Variants in CCSER1 observed in about 807,000 individuals in gnomAD.
CCSER1 encodes the protein coiled-coil serine rich protein 1, also known as serine-rich coiled-coil domain-containing protein 1.
A neutral mutation model predicts 82.0 loss-of-function variants in CCSER1; 41 were observed. The observed-to-expected ratio is 0.50, with a 90% CI of 0.39 to 0.65. CCSER1 has a LOEUF of 0.65. Among genes scored for constraint, CCSER1 ranks in the 30% least tolerant of loss-of-function variants. The pLI, the probability that CCSER1 is intolerant of heterozygous loss-of-function variation, is 0.00. For synonymous variants in CCSER1, 414 were observed against 383.9 expected (o/e 1.08, Z -0.92); for missense variants, 1,119 against 1,064.2 (o/e 1.05, Z -0.72).
chr4:91,543,490 TGG>T (rs1409104045), intron 10 of CCSER1, among the ~76,000 whole-genome samples: 2 of 152,102 alleles, frequency 1.3e-5, no homozygotes, highest in African/African-American at 2.4e-5. Context: ...CTTGTAAGGC[TGG>T]CCTGGTGGTG....
intron 10 of CCSER1, among the ~76,000 whole-genome samples, chr4:91,342,781 T>C (rs530095499): frequency 1.3e-5 from 2 of 152,244 alleles, no homozygotes; most frequent in Admixed American, 6.5e-5. Flanking sequence ...TTGTCAGGCA[T>C]AGGAATGTAT....
At chr4:90,797,668 G>A (rs549092985) in intron 7 of CCSER1, among the ~76,000 whole-genome samples, 25 of 152,260 alleles carry the variant, frequency 1.6e-4, no homozygotes, top group Non-Finnish European at 3.1e-4. Flanking sequence ...GGCAAGTCTG[G>A]TGGTAACAAA....
At chr4:90,169,894 C>T (rs564238402) in intron 1 of CCSER1, among the ~76,000 whole-genome samples, 1 of 151,980 alleles carries the variant, frequency 6.6e-6, no homozygotes, top group East Asian at 1.9e-4. Flanking sequence ...ATGCCATTTT[C>T]CAGGCTTAGG....
chr4:90,319,467 C>T (rs892493862), intron 3 of CCSER1, among the ~76,000 whole-genome samples: 14 of 152,036 alleles, frequency 9.2e-5, no homozygotes, highest in Non-Finnish European at 1.9e-4. Context: ...CTGGCTAACA[C>T]GGTGAAACCC....
intron 5 of CCSER1, among the ~76,000 whole-genome samples, chr4:90,555,019 A>G (rs1777945943): frequency 1.3e-5 from 2 of 152,142 alleles, no homozygotes; most frequent in African/African-American, 4.8e-5. Flanking sequence ...TTATTATGCC[A>G]GATGTGAGCT....
At chr4:91,377,336 C>A (rs1218782982) in intron 10 of CCSER1, among the ~76,000 whole-genome samples, 1 of 152,168 alleles carries the variant, frequency 6.6e-6, no homozygotes, top group Non-Finnish European at 1.5e-5. Flanking sequence ...CTGTCTTCCA[C>A]AATGGTTGAA....
chr4:90,466,361 T>C (rs754458438), intron 4 of CCSER1, among the ~76,000 whole-genome samples: 3 of 152,198 alleles, frequency 2.0e-5, no homozygotes, highest in Non-Finnish European at 2.9e-5. Flanking sequence ...AACCTGTGAG[T>C]AGCCCTAGAA....
chr4:91,354,341 G>A (rs1318792587), intron 10 of CCSER1, among the ~76,000 whole-genome samples: 1 of 152,230 alleles, frequency 6.6e-6, no homozygotes, highest in Admixed American at 6.5e-5. Context: ...TTTATCGGCA[G>A]TAAGAAGAAA....
chr4:90,384,581 G>A (rs898322751), intron 3 of CCSER1, among the ~76,000 whole-genome samples: 3 of 151,898 alleles, frequency 2.0e-5, no homozygotes, highest in African/African-American at 7.3e-5. Context: ...CTTACATTCT[G>A]GTGATTTCTA....
intron 10 of CCSER1, among the ~76,000 whole-genome samples, chr4:91,364,258 T>G (rs906392904): frequency 6.6e-6 from 1 of 152,046 alleles, no homozygotes; most frequent in Non-Finnish European, 1.5e-5. Context: ...TTACTCTAAT[T>G]TTTTTGAGGT....
At chr4:90,647,864 T>C (rs951975352) in intron 6 of CCSER1, among the ~76,000 whole-genome samples, 4 of 152,072 alleles carry the variant, frequency 2.6e-5, no homozygotes, top group Non-Finnish European at 5.9e-5. Flanking sequence ...AATCAATCCA[T>C]AAGTAATAAC....
At chr4:90,621,837 G>A (rs756814209) in intron 5 of CCSER1, among the ~76,000 whole-genome samples, 8 of 152,164 alleles carry the variant, frequency 5.3e-5, no homozygotes, top group East Asian at 1.9e-4. Context: ...TCAGCACTAC[G>A]AGTCTCCTTT....
chr4:90,439,820 A>C (rs1039335139), intron 4 of CCSER1, among the ~76,000 whole-genome samples: 1 of 152,168 alleles, frequency 6.6e-6, no homozygotes, highest in East Asian at 1.9e-4. Context: ...ATCTTCTTTC[A>C]GAGTCCAGAT....
intron 6 of CCSER1, among the ~76,000 whole-genome samples, chr4:90,690,845 A>G (rs568783277): frequency 6.6e-6 from 1 of 152,250 alleles, no homozygotes; most frequent in South Asian, 2.1e-4. Context: ...CACATAGACC[A>G]TGAACCCAGA....
intron 10 of CCSER1, among the ~76,000 whole-genome samples, chr4:91,104,969 G>A (rs7694161): frequency 0.21 from 32,080 of 152,108 alleles, 3,902 homozygotes; most frequent in African/African-American, 0.32. Flanking sequence ...GTGTGGTGGT[G>A]AAGTCAGGGC....
At chr4:90,159,564 G>A (rs1394278353) in intron 1 of CCSER1, among the ~76,000 whole-genome samples, 2 of 152,100 alleles carry the variant, frequency 1.3e-5, no homozygotes, top group African/African-American at 4.8e-5. Flanking sequence ...TCAATATTTG[G>A]ATATACCAAA....
chr4:91,519,714 A>AG (rs1300023308), intron 10 of CCSER1, among the ~76,000 whole-genome samples: 27 of 152,230 alleles, frequency 1.8e-4, no homozygotes, highest in Admixed American at 1.2e-3. Context: ...TTCCCTATGG[A>AG]GGGGGTGTCT....
intron 7 of CCSER1, among the ~76,000 whole-genome samples, chr4:90,799,985 C>T (rs1352361926): frequency 7.2e-5 from 11 of 152,246 alleles, no homozygotes; most frequent in South Asian, 4.1e-4. Flanking sequence ...ACGCTGGACC[C>T]GTGCAGAGTT....
intron 10 of CCSER1, among the ~76,000 whole-genome samples, chr4:91,323,032 A>T (rs1334640041): frequency 6.6e-6 from 1 of 152,176 alleles, no homozygotes; most frequent in African/African-American, 2.4e-5. Flanking sequence ...CCCAAAATTT[A>T]GTTGGAGAAG....
Sources: allele counts gnomAD v4.1 joint callset (sites outside exome capture counted in the v4.1 genomes callset), GRCh38; gene constraint gnomAD v4.1.1; transcripts MANE v1.5; gene names NCBI Gene and HGNC (gene_info 2026-07-23, HGNC 2026-07-21).